Variants in SCUBE2 observed in about 807,000 individuals in gnomAD.
SCUBE2 encodes the protein signal peptide, CUB domain and EGF like domain containing 2.
SCUBE2 carries 114 observed loss-of-function variants against 125.9 expected under a neutral mutation model. The observed-to-expected ratio is 0.91, with a 90% CI of 0.78 to 1.06. The LOEUF is 1.06. Among genes scored for constraint, SCUBE2 ranks in the 50% least tolerant of loss-of-function variants. The pLI is 0.00. For synonymous variants in SCUBE2, 459 were observed against 492.9 expected, an observed-to-expected ratio of 0.93 and a Z score of 0.91; for missense variants, 1,255 against 1,301.8, an observed-to-expected ratio of 0.96 and a Z score of 0.55.
At chr11:9,051,236 A>AT (rs1181748175) in intron 13 of SCUBE2, among the ~76,000 whole-genome samples, 24 of 151,372 alleles carry the variant, frequency 1.6e-4, no homozygotes, top group African/African-American at 5.4e-4. Context: ...CTACCTACCT[A>AT]CCTATCTATC....
At chr11:9,059,606 A>G in intron 8 of SCUBE2, 181 bp from the exon 9 acceptor site, 1 of 749,556 alleles carries the variant, frequency 1.3e-6, no homozygotes, top group Non-Finnish European at 2.0e-6. Flanking sequence ...TGGCTTAACC[A>G]GTTTTGAAAG....
chr11:9,025,530 G>A, intron 21 of SCUBE2, 172 bp downstream of exon 21: 1 of 620,216 alleles, frequency 1.6e-6, no homozygotes, highest in Non-Finnish European at 2.8e-6. Flanking sequence ...CCTATTGTCA[G>A]TGTCCCCAAA....
chr11:9,084,317 C>A (rs955579202), intron 2 of SCUBE2, among the ~76,000 whole-genome samples: 2 of 151,908 alleles, frequency 1.3e-5, no homozygotes, highest in African/African-American at 4.8e-5. Flanking sequence ...TAAGTGGGGA[C>A]GAGGGAGAGA....
rs74400582 is a variant in SCUBE2 at position 9,060,898 on chromosome 11, T to C, written c.851-374A>G. ...GGCAAAGGGGATGGTCCTTTCTTAA[T>C]CTTGAACCTTCTCCTTTCGATATGA... On this transcript the variant is annotated intron_variant, in intron 7 of 22. Transcript: ENST00000649792. 4.4e-3 allele frequency among the ~76,000 whole-genome samples: 669 copies of C among 152,294 alleles called. 6 individuals carry two copies. Among genetic ancestry groups the C allele is most frequent in the African/African-American group, 0.016 (645 of 41,554 alleles).
At chr11:9,062,191 C>T (rs560607035) in intron 7 of SCUBE2, among the ~76,000 whole-genome samples, 2 of 152,130 alleles carry the variant, frequency 1.3e-5, no homozygotes, top group Non-Finnish European at 2.9e-5. Flanking sequence ...CCTTCAGCTC[C>T]CTACTGGCAG....
At chr11:9,048,486 G>T (rs1376356413) in intron 14 of SCUBE2, among the ~76,000 whole-genome samples, 1 of 152,220 alleles carries the variant, frequency 6.6e-6, no homozygotes, top group Non-Finnish European at 1.5e-5. Context: ...AGGGGCTGAG[G>T]CTTCAAATAA....
In SCUBE2 at chr11:9,030,057, G is replaced by A. The variant is rs772813801; in HGVS notation, c.2342-12C>T. ...AGGTGAACATTGAACTGTGGGTCAA[G>A]GGAGGGTGAAAAGAATGAAAAAAAG... On this transcript the variant is annotated splice_polypyrimidine_tract_variant and intron_variant, in intron 18 of 22. Transcript: ENST00000649792. 1.9e-6 allele frequency: 3 copies of A among 1,607,218 alleles called. No homozygotes were observed. The highest frequency in any genetic ancestry group is 2.2e-5 in the South Asian group (2 of 90,580).
chr11:9,067,146 T>C (rs1860326449), intron 5 of SCUBE2, among the ~76,000 whole-genome samples: 1 of 152,136 alleles, frequency 6.6e-6, no homozygotes, highest in Non-Finnish European at 1.5e-5. Context: ...TCTAGAGAAG[T>C]TTACCTATTA....
chr11:9,047,231 CT>C (rs1225411050), intron 16 of SCUBE2, 124 bp downstream of exon 16: 1 of 935,862 alleles, frequency 1.1e-6, no homozygotes, highest in Non-Finnish European at 1.7e-6. Flanking sequence ...AACAGAAGCA[CT>C]GCCCGGAGTG....
At chr11:9,070,683 C>G (rs1460390375) in intron 4 of SCUBE2, among the ~76,000 whole-genome samples, 1 of 152,184 alleles carries the variant, frequency 6.6e-6, no homozygotes, top group East Asian at 1.9e-4. Flanking sequence ...CCCCTAAAAC[C>G]TTAGCCAACA....
intron 2 of SCUBE2, among the ~76,000 whole-genome samples, chr11:9,087,751 C>A (rs534778170): frequency 1.1e-4 from 17 of 152,302 alleles, no homozygotes; most frequent in Non-Finnish European, 2.2e-4. Flanking sequence ...TCTATATTTT[C>A]TTTTGGTCTT....
intron 13 of SCUBE2, among the ~76,000 whole-genome samples, chr11:9,051,213 TCTATCTATCTATCTAC>T (rs1469130396): frequency 6.9e-6 from 1 of 144,316 alleles, no homozygotes; most frequent in Non-Finnish European, 1.6e-5. Flanking sequence ...TATCTATCTA[TCTATCTATCTATCTAC>T]CTACCTACCT....
chr11:9,020,958 C>A lies in SCUBE2; in HGVS notation c.*87G>T. 1 of 1,227,376 alleles carries A rather than the reference C, an allele frequency of 8.1e-7. No individual in the cohort carries two copies. Among genetic ancestry groups the A allele is most frequent in the African/African-American group, 1.5e-5 (1 of 65,582 alleles). The allele number at this position is 1,227,376 out of a possible 1,614,324, so 76.0% of individuals were successfully genotyped here. A position where few individuals can be genotyped will look rare whatever the true frequency, so the allele number is the denominator to read the frequency against. On this transcript the variant is annotated 3_prime_UTR_variant, in exon 23 of 23. Transcript: ENST00000649792. ...TCACTGATACGGGAGGCAGCAATAC[C>A]CGACTGTGCTGACATGCAGAAGGAA...
At position 9,063,865 on chromosome 11, in the gene SCUBE2, T is replaced by C. The variant is rs932823176; in HGVS notation, c.850+2026A>G. ...GTTACCTACACTATATTTGAACACA[T>C]TGAAAAGTATTTTACAGCTTTGTCT... On this transcript the variant is annotated intron_variant, in intron 7 of 22. Coordinates refer to ENST00000649792, the MANE Select transcript of SCUBE2 (RefSeq NM_001367977.2). Among the ~76,000 whole-genome samples the C allele has an allele frequency of 5.9e-5, 9 of 152,222 alleles. No individual in the cohort carries two copies. In the East Asian group the frequency reaches 9.6e-4, roughly 16 times the overall value.
At position 9,021,874 on chromosome 11, in the gene SCUBE2, A is replaced by C; in HGVS notation, c.2934+2T>G. On this transcript the variant is annotated splice_donor_variant, in intron 22 of 22. Coordinates refer to ENST00000649792, the MANE Select transcript of SCUBE2 (RefSeq NM_001367977.2). LOFTEE classifies it high-confidence loss of function. Reference sequence around the variant, plus strand: ...CCATGTCCACCTGAGCCAGGCACTCACCTTAAGTATTTCCTGATGGTTCTC... The same window carrying C: ...CCATGTCCACCTGAGCCAGGCACTCCCCTTAAGTATTTCCTGATGGTTCTC... 1 of 1,611,110 alleles carries C rather than the reference A, an allele frequency of 6.2e-7. No individual in the cohort carries two copies. The highest frequency in any genetic ancestry group is 1.3e-5 in the African/African-American group (1 of 74,952).
rs774675208 is a variant in SCUBE2 at position 9,074,552 on chromosome 11, C to A, written c.446G>T (p.Ser149Ile). 2.5e-6 allele frequency: 4 copies of A among 1,614,228 alleles called. No homozygotes were observed. The highest frequency in any genetic ancestry group is 1.1e-5 in the South Asian group (1 of 91,082). ...CCCCTCCTTGCAGCAGCACTCATAG[C>A]TCCCCATGACGTTGACACAGGTATG... Reference protein sequence around the residue: ...CQHTCVNVMGSYECCCKEGFF... With the variant: ...CQHTCVNVMGIYECCCKEGFF... The change falls in exon 4 of 23, where the codon AGC becomes ATC. Residue 149 changes from serine (S) to isoleucine (I), a missense_variant. By Grantham distance (142) the Ser-to-Ile change is moderately radical. Around this residue, in one of 3 missense-constraint regions of SCUBE2, gnomAD observed 362 missense variants for 323.0 expected, o/e 1.12. Transcript: ENST00000649792.
At chr11:9,073,267 G>C (rs1860954296) in intron 4 of SCUBE2, among the ~76,000 whole-genome samples, 1 of 152,024 alleles carries the variant, frequency 6.6e-6, no homozygotes, top group African/African-American at 2.4e-5. Context: ...AAACCCAACT[G>C]CTACTTTATC....
chr11:9,056,001 C>T (rs949922661), intron 9 of SCUBE2, 92 bp from the exon 10 acceptor site: 1 of 921,010 alleles, frequency 1.1e-6, no homozygotes, highest in Non-Finnish European at 1.8e-6. Flanking sequence ...CTGACCAACA[C>T]CAAAAACAAT....
chr11:9,050,552 A>C, intron 14 of SCUBE2, 54 bp downstream of exon 14: 1 of 1,401,212 alleles, frequency 7.1e-7, no homozygotes, highest in Non-Finnish European at 1.0e-6. Flanking sequence ...GGCTGGCTGC[A>C]GGCCCCTTCC....
Sources: gnomAD v4.1 joint callset for allele counts (sites outside exome capture counted in the v4.1 genomes callset) on GRCh38, gnomAD v4.1.1 for gene constraint, gnomAD v4.1.1 regional missense constraint, MANE v1.5 for transcripts, NCBI Gene and HGNC (gene_info 2026-07-23, HGNC 2026-07-21) for gene names.